TULP4: variants seen among roughly 807,000 people sequenced by gnomAD.
TULP4 encodes the protein tubby-related protein 4.
TULP4 carries 16 observed loss-of-function variants against 129.0 expected under a neutral mutation model. The ratio of observed to expected loss-of-function variants is 0.12; its 90% confidence interval spans 0.08 to 0.19. The LOEUF is 0.19. Among genes scored for constraint, TULP4 ranks in the 10% least tolerant of loss-of-function variants. The probability of loss-of-function intolerance (pLI) is 1.00; values close to 1 mark genes in which losing one functional copy is unlikely to be tolerated. For synonymous variants in TULP4, 998 were observed against 854.0 expected, an observed-to-expected ratio of 1.17 and a Z score of -2.94; for missense variants, 1,842 against 2,059.1, an observed-to-expected ratio of 0.89 and a Z score of 2.04.
chr6:158,501,645 T>C, intron 12 of TULP4, 33 bp from the exon 13 acceptor site: 1 of 1,587,652 alleles, frequency 6.3e-7, no homozygotes. Context: ...GCAGTGTTTT[T>C]GTAAGCAGTT....
intron 1 of TULP4, chr6:158,237,537 T>G: frequency 1.3e-6 from 2 of 1,558,116 alleles, no homozygotes; most frequent in East Asian, 4.5e-5. Context: ...CTCCTGCAGT[T>G]GCTCCCTGGG....
At chr6:158,423,568 A>G (rs1778403600) in intron 2 of TULP4, among the ~76,000 whole-genome samples, 1 of 152,196 alleles carries the variant, frequency 6.6e-6, no homozygotes. Context: ...TACAGTTATT[A>G]TGGGCCAATT....
chr6:158,236,795 CTTTTTTTTTTTTTTTTTT>C lies in TULP4; in HGVS notation n.68+4511_68+4528del, dbSNP rs71030149. On this transcript the variant is annotated intron_variant and non_coding_transcript_variant, in intron 1 of 1. Coordinates refer to the TULP4 transcript ENST00000620026. ...AGATGGGTAAATGCCCAATTCTTTT[CTTTTTTTTTTTTTTTTTT>C]TTTTTTTTTTTTTTTTTTGAGATAG... 1.1e-3 allele frequency among the ~76,000 whole-genome samples: 69 copies of C among 63,298 alleles called. 2 individuals are homozygous for C. Among genetic ancestry groups the C allele is most frequent in the Middle Eastern group, 0.011 (1 of 92 alleles). 41.5% of individuals were successfully genotyped at this position (63,298 alleles called of 152,430 possible).
At chr6:158,279,232 G>A (rs924432319), upstream of TULP4, among the ~76,000 whole-genome samples, 7 of 152,156 alleles carry the variant, frequency 4.6e-5, no homozygotes, top group South Asian at 4.1e-4. Context: ...TTGAGCCACC[G>A]CGCCCGGCCT....
upstream of TULP4, chr6:158,311,918 G>T (rs1473645205): frequency 7.7e-6 from 3 of 389,806 alleles, no homozygotes; most frequent in Admixed American, 8.9e-5. Context: ...ACCATTCAGT[G>T]CAGTCAGTAG....
At chr6:158,454,087 T>C (rs892958361) in intron 5 of TULP4, among the ~76,000 whole-genome samples, 114 of 141,796 alleles carry the variant, frequency 8.0e-4, no homozygotes, top group African/African-American at 2.9e-3. Flanking sequence ...TTACATACCC[T>C]CTTTTGGGCA....
intron 3 of TULP4, among the ~76,000 whole-genome samples, chr6:158,444,246 A>AAATTTT (rs1562568657): frequency 9.2e-5 from 8 of 86,740 alleles, no homozygotes; most frequent in African/African-American, 1.6e-4. Context: ...AAAAAAAAAA[A>AAATTTT]TTTTTTTTTT....
rs538630679 is a variant in TULP4, at chr6:158,483,785, T to C, written c.1486+2496T>C. Among the ~76,000 whole-genome samples the C allele has an allele frequency of 4.4e-4, 67 of 152,302 alleles. 1 individual carries two copies. The highest frequency in any genetic ancestry group is 1.6e-3 in the African/African-American group (66 of 41,562). ...GATTCATTAGGGCTGGGGTGGGGCCTACAAACATGCGACTTAATGGGTTTC... is the reference window on the plus strand; with the variant it reads ...GATTCATTAGGGCTGGGGTGGGGCCCACAAACATGCGACTTAATGGGTTTC... On this transcript the variant is annotated intron_variant, in intron 8 of 13. Coordinates refer to ENST00000367097, the MANE Select transcript of TULP4 (RefSeq NM_020245.5).
Position 158,506,739 on chromosome 6 carries a change from G to A in TULP4, c.*45G>A. 1 of 1,342,114 alleles carries A rather than the reference G, an allele frequency of 7.5e-7. No individual in the cohort carries two copies. Among genetic ancestry groups the A allele is most frequent in the Non-Finnish European group, 1.1e-6 (1 of 935,688 alleles). The allele number at this position is 1,342,114 out of a possible 1,614,324, so 83.1% of individuals were successfully genotyped here. ...AGAGAGATGCAGAGAGCCTTTGGAAGAGGTCTTCGGAGATGCCAGAGGAGC... is the reference window on the plus strand; with the variant it reads ...AGAGAGATGCAGAGAGCCTTTGGAAAAGGTCTTCGGAGATGCCAGAGGAGC... On this transcript the variant is annotated 3_prime_UTR_variant, in exon 14 of 14. Transcript: ENST00000367097.
intron 1 of TULP4, among the ~76,000 whole-genome samples, chr6:158,324,373 G>A (rs1051159043): frequency 2.0e-5 from 3 of 152,344 alleles, no homozygotes; most frequent in East Asian, 1.9e-4. Flanking sequence ...CTGTTCTGAT[G>A]TACTGCAGAG....
intron 1 of TULP4, among the ~76,000 whole-genome samples, chr6:158,259,101 G>A (rs964605815): frequency 2.0e-5 from 3 of 152,028 alleles, no homozygotes; most frequent in African/African-American, 4.8e-5. Context: ...GTGGTGGTGC[G>A]TGCCTGTAAT....
intron 1 of TULP4, among the ~76,000 whole-genome samples, chr6:158,394,096 C>A (rs992648079): frequency 6.6e-6 from 1 of 152,188 alleles, no homozygotes; most frequent in Non-Finnish European, 1.5e-5. Context: ...TTAGAAATTT[C>A]TTCTGGCAGA....
At chr6:158,356,426 A>G (rs1002646976) in intron 1 of TULP4, among the ~76,000 whole-genome samples, 3 of 152,212 alleles carry the variant, frequency 2.0e-5, no homozygotes, top group Admixed American at 6.5e-5. Flanking sequence ...AAAGATGTCA[A>G]GATCAGGACT....
chr6:158,345,140 G>A (rs2114767671), intron 1 of TULP4, among the ~76,000 whole-genome samples: 1 of 152,330 alleles, frequency 6.6e-6, no homozygotes, highest in Middle Eastern at 3.4e-3. Flanking sequence ...AGCTAGCAGA[G>A]GTTGGTTCAT....
At chr6:158,264,303 AT>A (rs775235022) in intron 1 of TULP4, among the ~76,000 whole-genome samples, 4 of 152,150 alleles carry the variant, frequency 2.6e-5, no homozygotes, top group Non-Finnish European at 5.9e-5. Context: ...ATGAACTTCA[AT>A]TTGAAGAAAG....
chr6:158,421,983 T>G (rs575033931), intron 2 of TULP4, among the ~76,000 whole-genome samples: 1 of 152,190 alleles, frequency 6.6e-6, no homozygotes, highest in South Asian at 2.1e-4. Flanking sequence ...ATTAAAGTGG[T>G]GCTGTGAGAG....
At chr6:158,436,346 A>G (rs1332996061) in intron 3 of TULP4, among the ~76,000 whole-genome samples, 1 of 152,242 alleles carries the variant, frequency 6.6e-6, no homozygotes, top group Non-Finnish European at 1.5e-5. Context: ...AACTGAAAGT[A>G]TTTAAGGTTT....
At chr6:158,418,011 G>C (rs1778250033) in intron 2 of TULP4, among the ~76,000 whole-genome samples, 1 of 152,014 alleles carries the variant, frequency 6.6e-6, no homozygotes, top group Non-Finnish European at 1.5e-5. Flanking sequence ...ATCCATGCCT[G>C]AGAACTCTTT....
intron 1 of TULP4, chr6:158,238,285 A>G: frequency 8.8e-7 from 1 of 1,132,176 alleles, no homozygotes; most frequent in Non-Finnish European, 1.3e-6. Flanking sequence ...GCTGCTTTTC[A>G]CGCAGAGCTG....
Sources: allele counts gnomAD v4.1 joint callset (sites outside exome capture counted in the v4.1 genomes callset), GRCh38; gene constraint gnomAD v4.1.1; transcripts MANE v1.5; gene names NCBI Gene and HGNC (gene_info 2026-07-23, HGNC 2026-07-21).